Variants in MYO18B observed in about 807,000 individuals in gnomAD.
MYO18B encodes the protein unconventional myosin-XVIIIb.
In MYO18B, 204 loss-of-function variants were observed where a neutral mutation model predicts 273.0. The observed-to-expected ratio is 0.75, with a 90% CI of 0.67 to 0.84. The LOEUF is 0.84. Among genes scored for constraint, MYO18B ranks in the 40% least tolerant of loss-of-function variants. The pLI is 0.00. For missense variants in MYO18B, 3,212 were observed against 3,287.6 expected (o/e 0.98, Z 0.56); for synonymous variants, 1,330 against 1,305.7 (o/e 1.02, Z -0.40).
At chr22:25,948,480 T>TTCTTTCTG (rs2092749866) in intron 36 of MYO18B, among the ~76,000 whole-genome samples, 1 of 126,290 alleles carries the variant, frequency 7.9e-6, no homozygotes, top group Non-Finnish European at 1.8e-5. Context: ...CTTTCTTTCT[T>TTCTTTCTG]TCTTTCTCTT....
intron 12 of MYO18B, 146 bp from the exon 13 acceptor site, chr22:25,823,359 A>AG (rs2089356099): frequency 1.3e-6 from 1 of 798,294 alleles, no homozygotes; most frequent in African/African-American, 1.8e-5. Flanking sequence ...CTAGGGGCCC[A>AG]GGCCTGGGCA....
In MYO18B at chr22:25,802,966, C is replaced by CTT. The variant is rs557925408; in HGVS notation, c.2521+4881_2521+4882dup. Among the ~76,000 whole-genome samples, 925 of 134,944 alleles carry CTT rather than the reference C, an allele frequency of 6.9e-3. 14 individuals are homozygous for CTT. The highest frequency in any genetic ancestry group is 0.046 in the South Asian group (182 of 3,938). 88.5% of individuals were successfully genotyped at this position (134,944 alleles called of 152,430 possible). ...TGACTGGCTGCTTTCTTTTTTCTTT[C>CTT]TTTTTTTTTTTTTGAGACAGAGTCT... On this transcript the variant is annotated intron_variant, in intron 12 of 43. Coordinates refer to ENST00000335473, the MANE Select transcript of MYO18B (RefSeq NM_032608.7).
intron 29 of MYO18B, 94 bp downstream of exon 29, chr22:25,898,555 A>G: frequency 7.5e-7 from 1 of 1,339,496 alleles, no homozygotes; most frequent in South Asian, 1.3e-5. Context: ...TAACTCCCTC[A>G]CTTCAACTCC....
chr22:25,891,424 G>C lies in MYO18B; in HGVS notation c.4543+12G>C. 1 of 1,506,280 alleles carries C rather than the reference G, an allele frequency of 6.6e-7. No homozygotes were observed. Among genetic ancestry groups the C allele is most frequent in the Non-Finnish European group, 9.1e-7 (1 of 1,100,602 alleles). The allele number at this position is 1,506,280 out of a possible 1,614,324, so 93.3% of individuals were successfully genotyped here. On this transcript the variant is annotated intron_variant, in intron 27 of 43. Transcript: ENST00000335473. ...TCCCACTGGAGGAGGTGAGCAGCCT[G>C]GGACCCTTGGGGCTGGAAGGTGATG...
chr22:25,768,688 C>A lies in MYO18B; in HGVS notation c.772C>A (p.Pro258Thr), dbSNP rs536132671. The A allele has an allele frequency of 1.7e-5, 26 of 1,562,804 alleles. No homozygotes were observed. In the East Asian group the frequency reaches 5.9e-4, roughly 35 times the overall value. Residue 258 changes from proline to threonine, a missense_variant, in exon 4 of 44, where the codon CCC (proline) becomes ACC (threonine). Coordinates refer to ENST00000335473, the MANE Select transcript of MYO18B (RefSeq NM_032608.7). Reference sequence around the variant, plus strand: ...GACCACAGAGCTGAAAGAGGCTGAGCCCCAGGGCAAAGACAGGCAGGGGAC... The same window carrying A: ...GACCACAGAGCTGAAAGAGGCTGAGACCCAGGGCAAAGACAGGCAGGGGAC... ...PKTTELKEAEPQGKDRQGTRP... is the reference protein window; with the variant it reads ...PKTTELKEAETQGKDRQGTRP...
At chr22:25,751,384 GC>G (rs1182865319) in intron 1 of MYO18B, among the ~76,000 whole-genome samples, 2 of 152,152 alleles carry the variant, frequency 1.3e-5, no homozygotes, top group African/African-American at 2.4e-5. Flanking sequence ...AAATACCAGT[GC>G]CCCCTGCACA....
chr22:26,055,294 C>T, the MYO18B span, among the ~76,000 whole-genome samples: 8 of 152,314 alleles, frequency 5.3e-5, no homozygotes, highest in South Asian at 1.7e-3. Flanking sequence ...TGGGGAGAAA[C>T]TATCATCTAT....
chr22:25,826,537 T>C (rs371866664), intron 14 of MYO18B, 38 bp downstream of exon 14: 1 of 1,568,918 alleles, frequency 6.4e-7, no homozygotes, highest in Non-Finnish European at 8.7e-7. Context: ...GTTGGCCTCT[T>C]GCAGGTGCAC....
chr22:25,954,916 G>T (rs1430451925), intron 38 of MYO18B, among the ~76,000 whole-genome samples: 7 of 152,126 alleles, frequency 4.6e-5, no homozygotes, highest in East Asian at 1.9e-4. Context: ...CGCCATGTTG[G>T]CCAGGCTGGT....
chr22:25,910,438 T>C (rs1348297492), intron 32 of MYO18B, among the ~76,000 whole-genome samples: 3 of 152,094 alleles, frequency 2.0e-5, no homozygotes, highest in African/African-American at 7.3e-5. Flanking sequence ...AGGCCCCACC[T>C]CCAGATACCA....
intron 10 of MYO18B, among the ~76,000 whole-genome samples, chr22:25,783,021 CTACAAAAA>C (rs779016569): frequency 2.6e-5 from 4 of 152,218 alleles, no homozygotes; most frequent in Non-Finnish European, 5.9e-5. Context: ...CTTTCCTTAT[CTACAAAAA>C]TAGATGTGAC....
At chr22:25,817,815 A>C (rs1212262287) in intron 12 of MYO18B, among the ~76,000 whole-genome samples, 1 of 152,210 alleles carries the variant, frequency 6.6e-6, no homozygotes, top group Non-Finnish European at 1.5e-5. Context: ...GATATGATAC[A>C]ATATTCATTT....
At chr22:25,808,217 A>G (rs8136123) in intron 12 of MYO18B, among the ~76,000 whole-genome samples, 40,874 of 152,026 alleles carry the variant, frequency 0.27, 5,741 homozygotes, top group African/African-American at 0.32. Flanking sequence ...CTTTTCTTGT[A>G]TGAGATTAAA....
In MYO18B at chr22:25,898,364, A is replaced by T. The variant is rs1481595268; in HGVS notation, c.4726A>T (p.Arg1576Trp). ...GAKKMAHQLK[R>W]KCHHLTCDLE... ...CAAGAAGATGGCTCACCAACTGAAG[A>T]GGAAGTGCCACCATCTTACCTGTGA... The change falls in exon 29 of 44, where the codon AGG (arginine) becomes TGG (tryptophan). Residue 1576 changes from arginine to tryptophan, a missense_variant. Physicochemically the swap from Arg to Trp is moderately radical, Grantham distance 101. Coordinates refer to ENST00000335473, the MANE Select transcript of MYO18B (RefSeq NM_032608.7). 10 of 1,613,968 alleles carry T rather than the reference A, an allele frequency of 6.2e-6. No individual in the cohort carries two copies. The highest frequency in any genetic ancestry group is 8.5e-6 in the Non-Finnish European group (10 of 1,179,866).
the MYO18B span, among the ~76,000 whole-genome samples, chr22:26,055,364 T>A: frequency 2.0e-5 from 3 of 152,222 alleles, no homozygotes; most frequent in African/African-American, 4.8e-5. Context: ...AAGAGCCATG[T>A]TCTGGTCTTG....
At chr22:25,893,492 A>G (rs1225029790) in intron 27 of MYO18B, among the ~76,000 whole-genome samples, 2 of 152,166 alleles carry the variant, frequency 1.3e-5, no homozygotes, top group Admixed American at 6.5e-5. Flanking sequence ...CACTTGCTCT[A>G]TAGCACATCA....
At chr22:25,879,610 A>G (rs1210076242) in intron 25 of MYO18B, among the ~76,000 whole-genome samples, 2 of 152,162 alleles carry the variant, frequency 1.3e-5, no homozygotes, top group Non-Finnish European at 2.9e-5. Context: ...GGGTGACTAC[A>G]TGAATCAGAC....
chr22:25,752,659 TAA>T (rs201385941), intron 1 of MYO18B, among the ~76,000 whole-genome samples: 15 of 148,980 alleles, frequency 1.0e-4, no homozygotes, highest in African/African-American at 2.2e-4. Context: ...CCTGGCTAAT[TAA>T]AAAAAAATTT....
At chr22:25,986,776 G>A (rs1369659768) in intron 39 of MYO18B, among the ~76,000 whole-genome samples, 1 of 152,148 alleles carries the variant, frequency 6.6e-6, no homozygotes, top group Non-Finnish European at 1.5e-5. Context: ...ATTCTAATCA[G>A]CAACCAGATT....
Sources: gnomAD v4.1 joint callset for allele counts (sites outside exome capture counted in the v4.1 genomes callset) on GRCh38, gnomAD v4.1.1 for gene constraint, MANE v1.5 for transcripts, NCBI Gene and HGNC (gene_info 2026-07-23, HGNC 2026-07-21) for gene names.